Variants in VPS13C observed in about 807,000 individuals in gnomAD.
VPS13C encodes intermembrane lipid transfer protein VPS13C.
In VPS13C, 358 loss-of-function variants were observed where a neutral mutation model predicts 456.8. That is an observed-to-expected ratio of 0.78 (90% confidence interval 0.72 to 0.86). The LOEUF (loss-of-function observed/expected upper bound fraction) is 0.86. VPS13C is among the 40% of genes least tolerant of loss of function. VPS13C has a pLI of 0.00. For synonymous variants in VPS13C, 1,578 were observed against 1,486.7 expected, an observed-to-expected ratio of 1.06 and a Z score of -1.41; for missense variants, 4,818 against 4,385.4, an observed-to-expected ratio of 1.10 and a Z score of -2.79.
chr15:62,060,188 A>C, intron 1 of VPS13C, 87 bp downstream of exon 1: 1 of 691,434 alleles, frequency 1.4e-6, no homozygotes, highest in East Asian at 3.6e-5. Context: ...CGGCGCAGGG[A>C]GCAGGGCCCG....
Position 61,940,738 on chromosome 15 carries a change from T to C in VPS13C, c.5510A>G (p.Asn1837Ser), listed in dbSNP as rs755887391. 6.2e-7 allele frequency: 1 copy of C among 1,613,712 alleles called. No individual in the cohort carries two copies. ...QNDIEILKPV[N>S]MLLSIQRNLA... Reference sequence around the variant, plus strand: ...GTTTCGCTGTATGGACAAAAGCATGTTGACTGGTTTTAAAATTTCAATGTC... The same window carrying C: ...GTTTCGCTGTATGGACAAAAGCATGCTGACTGGTTTTAAAATTTCAATGTC... The change falls in exon 47 of 85, where the codon AAC becomes AGC. Residue 1837 changes from asparagine (N) to serine (S), a missense_variant. Coordinates refer to ENST00000644861, the MANE Select transcript of VPS13C (RefSeq NM_020821.3).
chr15:61,952,631 C>T (rs1230920697), intron 38 of VPS13C, among the ~76,000 whole-genome samples: 1 of 152,134 alleles, frequency 6.6e-6, no homozygotes, highest in Non-Finnish European at 1.5e-5. Flanking sequence ...ACCAGAAAAA[C>T]ATCCAAGTTT....
chr15:61,912,023 C>G lies in VPS13C; in HGVS notation c.8551-19G>C, dbSNP rs748164160. 5.2e-6 allele frequency: 8 copies of G among 1,545,348 alleles called. No individual in the cohort carries two copies. The highest frequency in any genetic ancestry group is 7.0e-6 in the Non-Finnish European group (8 of 1,143,602). On this transcript the variant is annotated intron_variant, in intron 62 of 84. Coordinates refer to ENST00000644861, the MANE Select transcript of VPS13C (RefSeq NM_020821.3). ...CACCAACCTGTGGAAAGGAAAAAAG[C>G]TTATTTTCCAGTTTATTCAATGTCT...
chr15:61,864,230 A>G (rs1894385888), intron 81 of VPS13C: 12 of 697,364 alleles, frequency 1.7e-5, no homozygotes, highest in Non-Finnish European at 2.1e-5. Context: ...AATATGAACA[A>G]TTTCTAAGAT....
chr15:61,866,487 G>A (rs1037628977), intron 81 of VPS13C: 1 of 984,626 alleles, frequency 1.0e-6, no homozygotes, highest in East Asian at 1.1e-4. Context: ...CAGTAAAACA[G>A]CAATATAACC....
chr15:61,946,770 T>A (rs2044620194), intron 43 of VPS13C, among the ~76,000 whole-genome samples: 1 of 151,966 alleles, frequency 6.6e-6, no homozygotes, highest in Non-Finnish European at 1.5e-5. Flanking sequence ...AGGAAGACAA[T>A]ATTTGTTAAA....
rs142604157 is a variant in VPS13C, at chr15:61,955,072, C to T, written c.4166-518G>A. Among the ~76,000 whole-genome samples the T allele has an allele frequency of 4.3e-4, 66 of 152,108 alleles. 1 individual carries two copies. In the East Asian group the frequency reaches 8.7e-3, roughly 20 times the overall value. On this transcript the variant is annotated intron_variant, in intron 37 of 84. Coordinates refer to ENST00000644861, the MANE Select transcript of VPS13C (RefSeq NM_020821.3). The stretch of plus-strand genomic sequence containing the variant: ...GGGCCTCTTATGCCATATTAATAAA[C>T]AAAGGTAAAGCTATATAATTATGAT...
At chr15:62,057,779 G>C (rs185202464) in intron 1 of VPS13C, among the ~76,000 whole-genome samples, 1 of 152,142 alleles carries the variant, frequency 6.6e-6, no homozygotes, top group Non-Finnish European at 1.5e-5. Flanking sequence ...ATAAAATTAC[G>C]ACATTTTTAA....
intron 50 of VPS13C, 134 bp downstream of exon 50, chr15:61,930,956 T>C: frequency 4.0e-6 from 4 of 990,078 alleles, no homozygotes; most frequent in Non-Finnish European, 6.1e-6. Context: ...TACTTCTTAA[T>C]GCAATTCAAA....
rs1040243969 is a variant in VPS13C, at chr15:61,916,099, T to A, written c.8056-77A>T. 3.9e-5 allele frequency: 56 copies of A among 1,437,620 alleles called. No homozygotes were observed. The South Asian group carries it at 7.7e-4, about 20-fold the overall frequency. 89.1% of individuals were successfully genotyped at this position (1,437,620 alleles called of 1,614,324 possible). A position where few individuals can be genotyped will look rare whatever the true frequency, so the allele number is the denominator to read the frequency against. On this transcript the variant is annotated intron_variant, in intron 60 of 84. Transcript: ENST00000644861. The stretch of plus-strand genomic sequence containing the variant: ...CAAAATTCTTATTTTTCACAAATGC[T>A]AAATAAACTACCAGATGCATGTAAA...
intron 17 of VPS13C, among the ~76,000 whole-genome samples, chr15:61,991,408 A>G (rs1180009560): frequency 6.6e-6 from 1 of 152,222 alleles, no homozygotes; most frequent in Admixed American, 6.5e-5. Context: ...AAAAAATGCT[A>G]AATGTTGAGA....
In VPS13C at chr15:61,927,203, T is replaced by A. The variant is rs200965872; in HGVS notation, c.6404A>T (p.Asn2135Ile). The change falls in exon 52 of 85, where the codon AAC becomes ATC. Residue 2135 changes from asparagine to isoleucine, a missense_variant. Physicochemically the swap from Asn to Ile is moderately radical, Grantham distance 149. This residue lies in a region of VPS13C where 4,552 missense variants were observed against 4,130.6 expected (regional missense o/e 1.10). Coordinates refer to ENST00000644861, the MANE Select transcript of VPS13C (RefSeq NM_020821.3). ...GAGTTTGGATGTTGACAGAGAAAGG[T>A]TGCACTGAAACGAGGCTGTCAGAGC... ...APALTASFQC[N>I]LSLSTSKLEQ... is the part of the protein sequence containing the mutation. 1.9e-6 allele frequency: 3 copies of A among 1,614,156 alleles called. No homozygotes were observed. The highest frequency in any genetic ancestry group is 8.5e-7 in the Non-Finnish European group (1 of 1,180,028).
At chr15:61,923,935 G>A (rs1050190517) in intron 53 of VPS13C, among the ~76,000 whole-genome samples, 4 of 124,098 alleles carry the variant, frequency 3.2e-5, no homozygotes, top group African/African-American at 9.5e-5. Context: ...GCGGGATCTC[G>A]GCTCACTGCA....
intron 5 of VPS13C, among the ~76,000 whole-genome samples, chr15:62,029,277 A>T (rs11638793): frequency 0.43 from 64,762 of 152,000 alleles, 15,508 homozygotes; most frequent in Admixed American, 0.56. Context: ...GCTGAATAGT[A>T]AATCCTCAAT....
intron 5 of VPS13C, among the ~76,000 whole-genome samples, chr15:62,029,813 T>C (rs942428979): frequency 1.1e-4 from 17 of 152,050 alleles, no homozygotes; most frequent in Non-Finnish European, 4.4e-5. Flanking sequence ...TAGCATTCTA[T>C]CCCCAGACAA....
chr15:62,054,105 T>C (rs956359832), intron 1 of VPS13C, among the ~76,000 whole-genome samples: 3 of 152,218 alleles, frequency 2.0e-5, no homozygotes, highest in Admixed American at 6.5e-5. Flanking sequence ...CAAATCATAT[T>C]GCAAAAGATG....
At chr15:61,949,157 G>A (rs917969761) in intron 42 of VPS13C, among the ~76,000 whole-genome samples, 6 of 152,090 alleles carry the variant, frequency 3.9e-5, no homozygotes, top group African/African-American at 1.4e-4. Context: ...CCATTGAACT[G>A]AAGACTACAA....
At chr15:61,961,394 AACACACACACACACACACACACACAC>A (rs66786972) in intron 35 of VPS13C, among the ~76,000 whole-genome samples, 169 bp downstream of exon 35, 3 of 132,708 alleles carry the variant, frequency 2.3e-5, no homozygotes, top group South Asian at 2.6e-4. Flanking sequence ...TCCAACTCAA[AACACACACACACACACACACACACAC>A]ACACACACAC....
In VPS13C at chr15:61,918,204, A is replaced by C. The variant is rs1485676579; in HGVS notation, c.7692T>G (p.Val2564=). The change falls in exon 59 of 85, where the codon GTT becomes GTG. Residue 2564 remains valine, a synonymous_variant. Transcript: ENST00000644861. ...AFIIYKFVKN[V]KLLERIGIAR... is the part of the protein sequence containing the mutation. ...CTATCCCAATGCGCTCCAATAGCTT[A>C]ACATTCTTAACAAATTTATAGATGA... 6.3e-7 allele frequency: 1 copy of C among 1,596,442 alleles called. No homozygotes were observed. The highest frequency in any genetic ancestry group is 8.5e-7 in the Non-Finnish European group (1 of 1,173,078).
Sources: gnomAD v4.1 joint callset for allele counts (sites outside exome capture counted in the v4.1 genomes callset) on GRCh38, gnomAD v4.1.1 for gene constraint, gnomAD v4.1.1 regional missense constraint, MANE v1.5 for transcripts, NCBI Gene and HGNC (gene_info 2026-07-23, HGNC 2026-07-21) for gene names.